Variants in RASAL3 observed in about 807,000 individuals in gnomAD.
The protein encoded by RASAL3 is RAS protein activator like-3.
In RASAL3, 74 loss-of-function variants were observed where a neutral mutation model predicts 105.5. That is an observed-to-expected ratio of 0.70 (90% CI 0.58 to 0.85). The LOEUF is 0.85. Ranked by LOEUF, RASAL3 falls within the 40% of genes least tolerant of loss-of-function variation. The probability of loss-of-function intolerance (pLI) is 0.00; values close to 1 mark genes in which losing one functional copy is unlikely to be tolerated. For synonymous variants in RASAL3, 579 were observed against 591.6 expected (o/e 0.98, Z 0.31); for missense variants, 1,352 against 1,392.0 (o/e 0.97, Z 0.46).
Position 15,456,390 on chromosome 19 carries a change from C to T in RASAL3, c.1576+112G>A, listed in dbSNP as rs902668727. 3 of 1,524,204 alleles carry T rather than the reference C, an allele frequency of 2.0e-6. No individual in the cohort carries two copies. The African/African-American group carries it at 4.1e-5, about 21-fold the overall frequency. The allele number at this position is 1,524,204 out of a possible 1,614,324, so 94.4% of individuals were successfully genotyped here. A position where few individuals can be genotyped will look rare whatever the true frequency, so the allele number is the denominator to read the frequency against. ...CCAATTGTCCCCAGGATCCTAGCAC[C>T]CCCAAAACACCACTCACTACCAGAA... On this transcript the variant is annotated intron_variant, in intron 10 of 17. Coordinates refer to ENST00000343625, the MANE Select transcript of RASAL3 (RefSeq NM_022904.3). The surrounding 1 kb of genome is among the most constrained non-coding windows in gnomAD (Gnocchi z 4.4).
In RASAL3 at chr19:15,453,215, G is replaced by T; in HGVS notation, c.2562C>A (p.Thr854=). The T allele has an allele frequency of 1.2e-6, 2 of 1,608,370 alleles. No homozygotes were observed. Among genetic ancestry groups the T allele is most frequent in the Non-Finnish European group, 1.7e-6 (2 of 1,177,948 alleles). Residue 854 remains threonine (T), a synonymous_variant, in exon 15 of 18, where the codon ACC becomes ACA. Transcript: ENST00000343625. The surrounding 1 kb of genome is among the most constrained non-coding windows in gnomAD (Gnocchi z 4.2). ...TCCGAGGCAGCGAGGCGGAGTCCCG[G>T]GTCCAAGGCCGGGCGCGGGGCGCTG... The part of the protein sequence containing the change: ...MGPAPRARPW[T]RDSASLPRKP...
chr19:15,452,411 A>C, intron 16 of RASAL3: 1 of 557,370 alleles, frequency 1.8e-6, no homozygotes, highest in Non-Finnish European at 3.2e-6. Flanking sequence ...CCAGGTTGGG[A>C]GGGGCTGATG....
chr19:15,460,063 T>C (rs559064198), intron 6 of RASAL3, 140 bp downstream of exon 6: 2 of 699,444 alleles, frequency 2.9e-6, no homozygotes, highest in South Asian at 1.9e-5. Context: ...GATCATTCAA[T>C]GTCCCCAGCA....
Position 15,452,615 on chromosome 19 carries a change from G to A in RASAL3, c.2828+43C>T, listed in dbSNP as rs1174394114. ...GGGCCTGGTCAGATCTAATTGGATC[G>A]GGCCCACCTGGGGGCGGAGCTAATG... On this transcript the variant is annotated intron_variant, in intron 16 of 17. Coordinates refer to ENST00000343625, the MANE Select transcript of RASAL3 (RefSeq NM_022904.3). 8 of 1,453,412 alleles carry A rather than the reference G, an allele frequency of 5.5e-6. No homozygotes were observed. In the East Asian group the frequency reaches 7.6e-5, roughly 14 times the overall value. The allele number at this position is 1,453,412 out of a possible 1,614,324, so 90.0% of individuals were successfully genotyped here. A position where few individuals can be genotyped will look rare whatever the true frequency, so the allele number is the denominator to read the frequency against.
In RASAL3 at chr19:15,453,118, G is replaced by A. The variant is rs528100081; in HGVS notation, c.2659C>T (p.Pro887Ser). 5 of 1,613,626 alleles carry A rather than the reference G, an allele frequency of 3.1e-6. No individual in the cohort carries two copies. The South Asian group carries it at 5.5e-5, about 18-fold the overall frequency. Reference protein sequence around the residue: ...DRNQALGTHRPVNKLAELQCE... With the variant: ...DRNQALGTHRSVNKLAELQCE... ...GGGCCTGACCTTACCTTGTTCACAG[G>A]TCGGTGCGTGCCCAGTGCCTGGTTT... Residue 887 changes from proline to serine, a missense_variant, in exon 15 of 18, where the codon CCT (proline) becomes TCT (serine). This residue lies in a region of RASAL3 where 920 missense variants were observed against 919.6 expected (regional missense o/e 1.00). Transcript: ENST00000343625. The surrounding 1 kb of genome is among the most constrained non-coding windows in gnomAD (Gnocchi z 4.2).
At chr19:15,461,024 C>G in intron 5 of RASAL3, 36 bp downstream of exon 5, 1 of 1,604,134 alleles carries the variant, frequency 6.2e-7, no homozygotes, top group South Asian at 1.1e-5. Context: ...AGTCTTGGCT[C>G]TCCCCTCTAC....
chr19:15,458,145 G>T, intron 8 of RASAL3, 183 bp downstream of exon 8: 1 of 656,600 alleles, frequency 1.5e-6, no homozygotes, highest in Non-Finnish European at 2.6e-6. Context: ...AGAAGGGGCG[G>T]GTCTGATATT....
In RASAL3 at chr19:15,464,272, G is replaced by A. The variant is rs374857062; in HGVS notation, c.87C>T (p.Gly29=). Residue 29 remains glycine, a synonymous_variant, in exon 2 of 18, where the codon GGC becomes GGT. Transcript: ENST00000343625. The stretch of plus-strand genomic sequence containing the variant: ...ACCCTCCAGCCGCCTTCTCCCCACC[G>A]CCCCCTGTGTGCCAGCGGTAGGAAG... ...PLTSYRWHTG[G]GGEKAAGGFR... 76 of 1,610,470 alleles carry A rather than the reference G, an allele frequency of 4.7e-5. No homozygotes were observed. The African/African-American group carries it at 7.5e-4, about 16-fold the overall frequency.
chr19:15,452,388 G>T, intron 16 of RASAL3: 1 of 593,882 alleles, frequency 1.7e-6, no homozygotes, highest in Non-Finnish European at 3.0e-6. Flanking sequence ...AGATATCTCA[G>T]TGCCCGGCCC....
Position 15,464,363 on chromosome 19 carries a change from G to T in RASAL3, c.-5C>A, listed in dbSNP as rs76267899. ...GCTTGGCGACGGTGGGTCCATGGTT[G>T]GGGGGGGGGGTCTCCTGGGGGACGA... On this transcript the variant is annotated 5_prime_UTR_variant, in exon 2 of 18. Coordinates refer to ENST00000343625, the MANE Select transcript of RASAL3 (RefSeq NM_022904.3). 9 of 267,466 alleles carry T rather than the reference G, an allele frequency of 3.4e-5. No homozygotes were observed. Among genetic ancestry groups the T allele is most frequent in the South Asian group, 1.0e-4 (1 of 10,040 alleles). 16.6% of individuals were successfully genotyped at this position (267,466 alleles called of 1,614,324 possible).
intron 6 of RASAL3, among the ~76,000 whole-genome samples, chr19:15,459,223 G>A (rs1419884965): frequency 1.0e-5 from 1 of 96,870 alleles, no homozygotes; most frequent in Non-Finnish European, 2.1e-5. Context: ...ACAGGTGTGA[G>A]CCACCGTGCC....
Position 15,453,174 on chromosome 19 carries a change from C to T in RASAL3, c.2603G>A (p.Trp868Ter), listed in dbSNP as rs758054481. The change falls in exon 15 of 18, where the codon TGG becomes TAG. Residue 868 changes from tryptophan (W) to a stop codon, truncating the protein, a stop_gained. Coordinates refer to ENST00000343625, the MANE Select transcript of RASAL3 (RefSeq NM_022904.3). LOFTEE classifies it high-confidence loss of function. The surrounding 1 kb of genome is among the most constrained non-coding windows in gnomAD (Gnocchi z 4.2). ...TTGCGGCTGGTCCATTTGGCGCTGC[C>T]AGGGTACCGACGGCTTCCGAGGCAG... ...ASLPRKPSVPWQRQMDQPQDR... is the reference protein window; with the variant it reads ...ASLPRKPSVP 3 of 1,613,084 alleles carry T rather than the reference C, an allele frequency of 1.9e-6. No homozygotes were observed. Among genetic ancestry groups the T allele is most frequent in the African/African-American group, 1.3e-5 (1 of 74,914 alleles).
chr19:15,462,741 A>G (rs193263085), intron 2 of RASAL3, among the ~76,000 whole-genome samples: 53 of 152,256 alleles, frequency 3.5e-4, no homozygotes, highest in African/African-American at 1.2e-3. Context: ...TCATGAGGTC[A>G]GGAGATCGAG....
rs1970338497 is a variant in RASAL3, at chr19:15,456,872, C to A, written c.1432-226G>T. 1 of 594,816 alleles carries A rather than the reference C, an allele frequency of 1.7e-6. No individual in the cohort carries two copies. The highest frequency in any genetic ancestry group is 3.0e-6 in the Non-Finnish European group (1 of 338,062). 36.8% of individuals were successfully genotyped at this position (594,816 alleles called of 1,614,324 possible). On this transcript the variant is annotated intron_variant, in intron 9 of 17. Transcript: ENST00000343625. The surrounding 1 kb of genome is among the most constrained non-coding windows in gnomAD (Gnocchi z 4.4). The stretch of plus-strand genomic sequence containing the variant: ...GGTGCAACCTGGGCCCCGCCCCTCA[C>A]GCGTGATGCTCAGGCCCCTGTCGCA...
chr19:15,456,350 C>T lies in RASAL3; in HGVS notation c.1577-102G>A. ...TTCAGGTTATTCCGGAGGCACCCAA[C>T]ATCTTGGGGAGCTCCCAATTGTCCC... On this transcript the variant is annotated intron_variant, in intron 10 of 17. Coordinates refer to ENST00000343625, the MANE Select transcript of RASAL3 (RefSeq NM_022904.3). The surrounding 1 kb of genome is among the most constrained non-coding windows in gnomAD (Gnocchi z 4.4). 1.3e-6 allele frequency: 2 copies of T among 1,540,684 alleles called. No homozygotes were observed. The highest frequency in any genetic ancestry group is 1.8e-6 in the Non-Finnish European group (2 of 1,137,632).
rs1309859947 is a variant in RASAL3 at position 15,453,524 on chromosome 19, C to T, written c.2280-27G>A. 5 of 1,487,502 alleles carry T rather than the reference C, an allele frequency of 3.4e-6. No individual in the cohort carries two copies. Among genetic ancestry groups the T allele is most frequent in the Non-Finnish European group, 4.4e-6 (5 of 1,128,236 alleles). 92.1% of individuals were successfully genotyped at this position (1,487,502 alleles called of 1,614,324 possible). On this transcript the variant is annotated intron_variant, in intron 14 of 17. Transcript: ENST00000343625. This position sits in a 1 kb window ranked among gnomAD's most constrained non-coding sequence, Gnocchi z 4.2. Reference sequence around the variant, plus strand: ...TAGGGGTGGGATGGAGGATCTTAGACCCTCCACTGGCCCCTGAGACGACCC... The same window carrying T: ...TAGGGGTGGGATGGAGGATCTTAGATCCTCCACTGGCCCCTGAGACGACCC...
At chr19:15,452,921 C>T (rs1970204493) in intron 15 of RASAL3, 106 bp from the exon 16 acceptor site, 4 of 1,462,204 alleles carry the variant, frequency 2.7e-6, no homozygotes, top group Non-Finnish European at 2.7e-6. Flanking sequence ...ACCGGCCTGC[C>T]TAGTTGGGGA....
chr19:15,452,586 G>T (rs1169801473), intron 16 of RASAL3, 72 bp downstream of exon 16: 23 of 1,183,272 alleles, frequency 1.9e-5, no homozygotes, highest in South Asian at 3.4e-5. Flanking sequence ...GGGGGGGGGG[G>T]GGAGGGCCTG....
At chr19:15,462,634 G>A (rs535081906) in intron 2 of RASAL3, among the ~76,000 whole-genome samples, 4 of 152,106 alleles carry the variant, frequency 2.6e-5, no homozygotes, top group Admixed American at 2.0e-4. Context: ...GATAACTCCC[G>A]CTTATTAACG....
Sources: allele counts gnomAD v4.1 joint callset (sites outside exome capture counted in the v4.1 genomes callset), GRCh38; gene constraint gnomAD v4.1.1; regional missense constraint gnomAD v4.1.1; non-coding constraint Gnocchi (gnomAD v3.1); transcripts MANE v1.5; gene names NCBI Gene and HGNC (gene_info 2026-07-23, HGNC 2026-07-21).